NR1I2: variants seen among roughly 807,000 people sequenced by gnomAD.
NR1I2 encodes the protein orphan nuclear receptor PAR1.
Under a neutral mutation model 43.3 loss-of-function variants are expected in NR1I2, and 42 were observed. The observed-to-expected ratio is 0.97, with a 90% confidence interval of 0.76 to 1.26. NR1I2 has a LOEUF of 1.26. Ranked by LOEUF, NR1I2 falls within the 50% of genes most tolerant of loss-of-function variation. NR1I2 has a pLI of 0.00. For synonymous variants in NR1I2, 229 were observed against 215.0 expected (o/e 1.06, Z -0.57); for missense variants, 559 against 566.7 (o/e 0.99, Z 0.14).
chr3:119,817,562 G>T lies in NR1I2; in HGVS notation c.*350G>T. ...CCCACTAAAGTGTCAAGGTGTGGAA[G>T]GGACCAAGCGACCAAGGATGGGCCA... On this transcript the variant is annotated 3_prime_UTR_variant, in exon 9 of 9. Transcript: ENST00000393716. The T allele has an allele frequency of 8.4e-7, 1 of 1,192,058 alleles. No homozygotes were observed. The highest frequency in any genetic ancestry group is 1.8e-5 in the South Asian group (1 of 56,758). The allele number at this position is 1,192,058 out of a possible 1,614,324, so 73.8% of individuals were successfully genotyped here. A position where few individuals can be genotyped will look rare whatever the true frequency, so the allele number is the denominator to read the frequency against.
At chr3:119,795,866 G>C (rs2054992003) in intron 1 of NR1I2, among the ~76,000 whole-genome samples, 2 of 152,200 alleles carry the variant, frequency 1.3e-5, no homozygotes, top group Non-Finnish European at 2.9e-5. Context: ...AATAGGCAGT[G>C]TCTTGCACCT....
intron 1 of NR1I2, among the ~76,000 whole-genome samples, chr3:119,798,639 C>CAGGAAAAAA (rs1553717552): frequency 8.2e-5 from 10 of 121,636 alleles, no homozygotes; most frequent in African/African-American, 2.8e-4. Context: ...GACTCCGTCT[C>CAGGAAAAAA]AAAAAAAAAA....
Position 119,789,450 on chromosome 3 carries a change from C to T in NR1I2, c.-23+7150C>T, listed in dbSNP as rs542792219. Among the ~76,000 whole-genome samples, 8 of 152,248 alleles carry T rather than the reference C, an allele frequency of 5.3e-5. 1 individual carries two copies. The highest frequency in any genetic ancestry group is 1.9e-4 in the East Asian group (1 of 5,180). ...GGCAAGAGAGAGAATGAGAACCAAGCGAAAGGGGTTTCCCCTTATAAAACC... is the reference window on the plus strand; with the variant it reads ...GGCAAGAGAGAGAATGAGAACCAAGTGAAAGGGGTTTCCCCTTATAAAACC... On this transcript the variant is annotated intron_variant, in intron 1 of 8. Coordinates refer to ENST00000393716, the MANE Select transcript of NR1I2 (RefSeq NM_003889.4).
intron 1 of NR1I2, among the ~76,000 whole-genome samples, chr3:119,803,649 C>T (rs1414439946): frequency 6.6e-6 from 1 of 152,274 alleles, no homozygotes; most frequent in East Asian, 1.9e-4. Context: ...CATTATTTTC[C>T]ATTTTGGTAT....
intron 1 of NR1I2, among the ~76,000 whole-genome samples, chr3:119,791,106 C>CTTATAACTTATAACTTATA (rs1183597693): frequency 6.6e-6 from 1 of 152,232 alleles, no homozygotes; most frequent in Non-Finnish European, 1.5e-5. Context: ...GCCCCCTGGG[C>CTTATAACTTATAACTTATA]AGCAGTCCAG....
At position 119,815,402 on chromosome 3, in the gene NR1I2, G is replaced by C. The variant is rs756203877; in HGVS notation, c.1017G>C (p.Glu339Asp). 1 of 1,613,304 alleles carries C rather than the reference G, an allele frequency of 6.2e-7. No individual in the cohort carries two copies. Among genetic ancestry groups the C allele is most frequent in the Non-Finnish European group, 8.5e-7 (1 of 1,180,004 alleles). Reference sequence around the variant, plus strand: ...AGAAGCTGCAGCTGCATGAGGAGGAGTATGTGCTGATGCAGGCCATCTCCC... The same window carrying C: ...AGAAGCTGCAGCTGCATGAGGAGGACTATGTGCTGATGCAGGCCATCTCCC... Residue 339 changes from glutamate to aspartate, a missense_variant, in exon 7 of 9, where the codon GAG becomes GAC. Around this residue, in one of 3 missense-constraint regions of NR1I2, gnomAD observed 323 missense variants for 312.2 expected, o/e 1.03. Coordinates refer to ENST00000393716, the MANE Select transcript of NR1I2 (RefSeq NM_003889.4).
chr3:119,793,290 TGCCCACCCATTCTCTTCTA>T (rs1410116103), intron 1 of NR1I2, among the ~76,000 whole-genome samples: 26 of 152,208 alleles, frequency 1.7e-4, no homozygotes, highest in African/African-American at 5.8e-4. Context: ...GGAAACTTGC[TGCCCACCCATTCTCTTCTA>T]GCCAAAGTCC....
At chr3:119,805,710 C>CCT (rs1553718296) in intron 1 of NR1I2, among the ~76,000 whole-genome samples, 3 of 44,482 alleles carry the variant, frequency 6.7e-5, no homozygotes, top group African/African-American at 1.2e-4. Flanking sequence ...CCCCCCCTCC[C>CCT]CCCCACCAAA....
chr3:119,818,098 A>C lies in NR1I2; in HGVS notation c.*886A>C. 1.0e-6 allele frequency: 1 copy of C among 985,620 alleles called. No individual in the cohort carries two copies. 61.1% of individuals were successfully genotyped at this position (985,620 alleles called of 1,614,324 possible). A position where few individuals can be genotyped will look rare whatever the true frequency, so the allele number is the denominator to read the frequency against. On this transcript the variant is annotated 3_prime_UTR_variant, in exon 9 of 9. Transcript: ENST00000393716. ...GTTCCCAAGGACATGAGTCTGTAGG[A>C]GCAAGGGCACAAACTGCAGCTGTGA...
chr3:119,817,092 T>G lies in NR1I2; in HGVS notation c.1185T>G (p.Ala395=). 6.2e-7 allele frequency: 1 copy of G among 1,614,188 alleles called. No individual in the cohort carries two copies. The highest frequency in any genetic ancestry group is 8.5e-7 in the Non-Finnish European group (1 of 1,180,030). ...GGTTCTTGTTCCTGAAGATCATGGC[T>G]ATGCTCACCGAGCTCCGCAGCATCA... Residue 395 remains alanine (A), a synonymous_variant, in exon 9 of 9, where the codon GCT becomes GCG. Coordinates refer to ENST00000393716, the MANE Select transcript of NR1I2 (RefSeq NM_003889.4).
chr3:119,804,856 T>C (rs1446328482), intron 1 of NR1I2, among the ~76,000 whole-genome samples: 3 of 152,150 alleles, frequency 2.0e-5, no homozygotes, highest in African/African-American at 7.2e-5. Flanking sequence ...ATTTTTTCCT[T>C]TCTATTAGCT....
At position 119,817,247 on chromosome 3, in the gene NR1I2, C is replaced by T. The variant is rs1357284219; in HGVS notation, c.*35C>T. The stretch of plus-strand genomic sequence containing the variant: ...CTTGGGTGACACCTCCGAGAGGCAG[C>T]CAGACCCAGAGCCCTCTGAGCCGCC... On this transcript the variant is annotated 3_prime_UTR_variant, in exon 9 of 9. Coordinates refer to ENST00000393716, the MANE Select transcript of NR1I2 (RefSeq NM_003889.4). 1 of 1,611,580 alleles carries T rather than the reference C, an allele frequency of 6.2e-7. No individual in the cohort carries two copies. Among genetic ancestry groups the T allele is most frequent in the South Asian group, 1.1e-5 (1 of 91,060 alleles).
chr3:119,786,338 GC>G (rs1165084242), intron 1 of NR1I2, among the ~76,000 whole-genome samples: 1 of 151,888 alleles, frequency 6.6e-6, no homozygotes, highest in African/African-American at 2.4e-5. Flanking sequence ...GCATACAGGG[GC>G]TTTTTAGGTG....
Position 119,817,261 on chromosome 3 carries a change from C to G in NR1I2, c.*49C>G, listed in dbSNP as rs768873794. ...CCGAGAGGCAGCCAGACCCAGAGCC[C>G]TCTGAGCCGCCACTCCCGGGCCAAG... On this transcript the variant is annotated 3_prime_UTR_variant, in exon 9 of 9. Transcript: ENST00000393716. 4 of 1,608,262 alleles carry G rather than the reference C, an allele frequency of 2.5e-6. No individual in the cohort carries two copies. Among genetic ancestry groups the G allele is most frequent in the Non-Finnish European group, 3.4e-6 (4 of 1,179,136 alleles).
intron 1 of NR1I2, chr3:119,791,759 A>G (rs1299727835): frequency 4.8e-6 from 2 of 415,646 alleles, no homozygotes; most frequent in South Asian, 3.8e-5. Context: ...TACTAAAAAT[A>G]CAAAAATTAG....
At chr3:119,784,278 TATTTCAATATTTTA>T (rs1275924877) in intron 1 of NR1I2, among the ~76,000 whole-genome samples, 1 of 152,218 alleles carries the variant, frequency 6.6e-6, no homozygotes, top group Non-Finnish European at 1.5e-5. Flanking sequence ...GACAACCCAT[TATTTCAATATTTTA>T]ATTTCCCTGA....
intron 1 of NR1I2, among the ~76,000 whole-genome samples, chr3:119,786,484 G>C (rs2054844652): frequency 6.6e-6 from 1 of 152,248 alleles, no homozygotes; most frequent in Non-Finnish European, 1.5e-5. Flanking sequence ...TGTAATGTTT[G>C]AAATAATTTT....
intron 5 of NR1I2, among the ~76,000 whole-genome samples, chr3:119,813,277 C>G (rs2055270562): frequency 6.6e-6 from 1 of 152,208 alleles, no homozygotes; most frequent in Non-Finnish European, 1.5e-5. Flanking sequence ...AGTGGGCATT[C>G]AGATAGTCTT....
At chr3:119,782,767 A>C (rs2054792249) in intron 1 of NR1I2, 2 of 1,613,720 alleles carry the variant, frequency 1.2e-6, no homozygotes, top group Admixed American at 1.7e-5. Flanking sequence ...CATGACAGTC[A>C]CCAGGACTCA....
Sources: allele counts gnomAD v4.1 joint callset (sites outside exome capture counted in the v4.1 genomes callset), GRCh38; gene constraint gnomAD v4.1.1; regional missense constraint gnomAD v4.1.1; transcripts MANE v1.5; gene names NCBI Gene and HGNC (gene_info 2026-07-23, HGNC 2026-07-21).